MAPK9: variants seen among roughly 807,000 people sequenced by gnomAD.
MAPK9 encodes mitogen-activated protein kinase 9, also known as Jun kinase.
In MAPK9, 30 loss-of-function variants were observed where a neutral mutation model predicts 57.1. The ratio of observed to expected loss-of-function variants is 0.53; its 90% CI spans 0.39 to 0.71. The LOEUF is 0.71. Among genes scored for constraint, MAPK9 ranks in the 30% least tolerant of loss-of-function variants. The pLI is 0.00. For synonymous variants in MAPK9, 155 were observed against 177.0 expected (o/e 0.88, Z 0.99); for missense variants, 362 against 521.0 (o/e 0.69, Z 2.97).
At chr5:180,246,812 C>T (rs1275412379) in intron 7 of MAPK9, 1 of 152,196 alleles carries the variant, frequency 6.6e-6, no homozygotes, top group Admixed American at 6.6e-5. Context: ...TTTTGACTTC[C>T]CCAGTGTGTC....
chr5:180,275,430 A>T (rs1157350895), intron 2 of MAPK9, among the ~76,000 whole-genome samples: 2 of 152,144 alleles, frequency 1.3e-5, no homozygotes, highest in South Asian at 4.2e-4. Context: ...TGGTCCCAAC[A>T]CAAGTAAAAG....
intron 1 of MAPK9, among the ~76,000 whole-genome samples, chr5:180,284,347 T>C (rs1168336040): frequency 1.3e-5 from 2 of 152,204 alleles, no homozygotes; most frequent in Non-Finnish European, 2.9e-5. Context: ...TCCTTGCCAC[T>C]TGTGCACTCA....
chr5:180,289,531 C>T (rs1763049475), intron 1 of MAPK9, among the ~76,000 whole-genome samples: 1 of 152,180 alleles, frequency 6.6e-6, no homozygotes, highest in Non-Finnish European at 1.5e-5. Context: ...GAATCCTTAT[C>T]TGGGAAGTGA....
At chr5:180,286,096 TA>T (rs1233636633) in intron 1 of MAPK9, among the ~76,000 whole-genome samples, 24 of 142,440 alleles carry the variant, frequency 1.7e-4, no homozygotes, top group African/African-American at 5.4e-4. Context: ...AAAAAAATAG[TA>T]AAAATTTAAA....
chr5:180,264,815 T>C lies in MAPK9; in HGVS notation c.277A>G (p.Thr93Ala). ...KNIISLLNVFTPQKTLEEFQD... is the reference protein window; with the variant it reads ...KNIISLLNVFAPQKTLEEFQD... Reference sequence around the variant, plus strand: ...AATTCTTCTAGAGTTTTTTGTGGTGTAAACACATTTAACAAACTAATTATC... The same window carrying C: ...AATTCTTCTAGAGTTTTTTGTGGTGCAAACACATTTAACAAACTAATTATC... Residue 93 changes from threonine (T) to alanine (A), a missense_variant, in exon 4 of 12, where the codon ACA becomes GCA. Thr to Ala is a moderately conservative substitution (Grantham distance 58). This residue lies in a region of MAPK9 where 127 missense variants were observed against 231.7 expected (regional missense o/e 0.55). Transcript: ENST00000452135. The C allele has an allele frequency of 1.3e-6, 2 of 1,558,956 alleles. No homozygotes were observed. Among genetic ancestry groups the C allele is most frequent in the Non-Finnish European group, 1.7e-6 (2 of 1,149,322 alleles).
chr5:180,283,043 C>T (rs2127626028), intron 1 of MAPK9, among the ~76,000 whole-genome samples: 1 of 152,266 alleles, frequency 6.6e-6, no homozygotes, highest in South Asian at 2.1e-4. Context: ...AGCCGTCTGG[C>T]CTCAGTCCTG....
At chr5:180,267,570 A>C (rs1376391675) in intron 3 of MAPK9, among the ~76,000 whole-genome samples, 6 of 151,306 alleles carry the variant, frequency 4.0e-5, no homozygotes, top group African/African-American at 9.7e-5. Context: ...TCAAAAAAAA[A>C]AAAAAAAAAA....
rs908245748 is a variant in MAPK9, at chr5:180,242,416, C to A, written c.871+157G>T. Among the ~76,000 whole-genome samples, 13 of 152,302 alleles carry A rather than the reference C, an allele frequency of 8.5e-5. No individual in the cohort carries two copies. The East Asian group carries it at 2.5e-3, about 29-fold the overall frequency. ...TCTTATAGAGGATAAAGCTTCTAGA[C>A]CTTTAAGCTTTCTCTCCTCAGTGCC... On this transcript the variant is annotated intron_variant, in intron 8 of 11. Coordinates refer to ENST00000452135, the MANE Select transcript of MAPK9 (RefSeq NM_002752.5).
Position 180,247,545 on chromosome 5 carries a change from G to A in MAPK9, c.617-35C>T. On this transcript the variant is annotated intron_variant, in intron 6 of 11. Coordinates refer to ENST00000452135, the MANE Select transcript of MAPK9 (RefSeq NM_002752.5). The surrounding 1 kb of genome is among the most constrained non-coding windows in gnomAD (Gnocchi z 4.5). ...AAATGAAATGATAAAATTATGAAGTGCCATGAACAAAACAAAAGTGAGGAA... is the reference window on the plus strand; with the variant it reads ...AAATGAAATGATAAAATTATGAAGTACCATGAACAAAACAAAAGTGAGGAA... 1 of 1,574,120 alleles carries A rather than the reference G, an allele frequency of 6.4e-7. No homozygotes were observed. Among genetic ancestry groups the A allele is most frequent in the Non-Finnish European group, 8.7e-7 (1 of 1,145,582 alleles).
chr5:180,264,669 G>A (rs1760341439), intron 4 of MAPK9, 112 bp downstream of exon 4: 1 of 992,144 alleles, frequency 1.0e-6, no homozygotes, highest in Admixed American at 3.8e-5. Context: ...TATCTGTGAT[G>A]TCACAAAATG....
At chr5:180,272,158 G>C (rs1581269051) in intron 2 of MAPK9, among the ~76,000 whole-genome samples, 1 of 152,152 alleles carries the variant, frequency 6.6e-6, no homozygotes, top group Non-Finnish European at 1.5e-5. Context: ...ACCATCCTGG[G>C]ATTTCTTTTC....
At chr5:180,253,047 G>A (rs1259252468) in intron 5 of MAPK9, among the ~76,000 whole-genome samples, 1 of 152,204 alleles carries the variant, frequency 6.6e-6, no homozygotes, top group Non-Finnish European at 1.5e-5. Context: ...GAGTGAGAGT[G>A]ACAGATGGCC....
At chr5:180,285,036 T>C (rs1762617564) in intron 1 of MAPK9, among the ~76,000 whole-genome samples, 1 of 152,210 alleles carries the variant, frequency 6.6e-6, no homozygotes, top group Non-Finnish European at 1.5e-5. Flanking sequence ...TAAAAACTGA[T>C]TAAACAACAC....
In MAPK9 at chr5:180,241,053, T is replaced by C; in HGVS notation, c.974A>G (p.Tyr325Cys). Reference sequence around the variant, plus strand: ...CACGGCTTCTGCTTCGGCGGGGTCATACCAAACAGTGATGTATGGGTGACG... The same window carrying C: ...CACGGCTTCTGCTTCGGCGGGGTCACACCAAACAGTGATGTATGGGTGACG... ...ALRHPYITVW[Y>C]DPAEAEAPPP... is the part of the protein sequence containing the mutation. The change falls in exon 9 of 12, where the codon TAT becomes TGT. Residue 325 changes from tyrosine (Y) to cysteine (C), a missense_variant. By Grantham distance (194) the Tyr-to-Cys change is radical (BLOSUM62 -2). Coordinates refer to ENST00000452135, the MANE Select transcript of MAPK9 (RefSeq NM_002752.5). 6.2e-7 allele frequency: 1 copy of C among 1,613,516 alleles called. No individual in the cohort carries two copies.
intron 11 of MAPK9, chr5:180,237,619 G>A (rs1054606088): frequency 6.6e-6 from 1 of 152,222 alleles, no homozygotes; most frequent in African/African-American, 2.4e-5. Context: ...CATTGAAAAG[G>A]CTTTAAATTC....
chr5:180,264,951 AC>A, intron 3 of MAPK9, 112 bp from the exon 4 acceptor site: 1 of 794,412 alleles, frequency 1.3e-6, no homozygotes, highest in Non-Finnish European at 1.8e-6. Context: ...AGAATTCAGT[AC>A]TTCTTATTAT....
intron 5 of MAPK9, among the ~76,000 whole-genome samples, chr5:180,250,636 A>T (rs1046504301): frequency 1.6e-4 from 24 of 152,150 alleles, no homozygotes; most frequent in African/African-American, 5.8e-4. Context: ...AGCCATTTCG[A>T]CATTGACAAC....
intron 10 of MAPK9, among the ~76,000 whole-genome samples, chr5:180,238,608 C>CTTTTTTTTTTTTTTTTTTTTTTTTTTTT (rs746336177): frequency 1.2e-5 from 1 of 85,168 alleles, no homozygotes; most frequent in African/African-American, 5.3e-5. Context: ...TCTTCTTCTT[C>CTTTTTTTTTTTTTTTTTTTTTTTTTTTT]TTTTTTTTTT....
chr5:180,239,172 G>T (rs561345581), intron 10 of MAPK9, among the ~76,000 whole-genome samples: 1 of 152,238 alleles, frequency 6.6e-6, no homozygotes, highest in South Asian at 2.1e-4. Context: ...TTTCAACTTC[G>T]GTTTTCCTCA....
Sources: gnomAD v4.1 joint callset for allele counts (sites outside exome capture counted in the v4.1 genomes callset) on GRCh38, gnomAD v4.1.1 for gene constraint, gnomAD v4.1.1 regional missense constraint, Gnocchi (gnomAD v3.1) non-coding constraint, MANE v1.5 for transcripts, NCBI Gene and HGNC (gene_info 2026-07-23, HGNC 2026-07-21) for gene names.